Variants in CACNB2 observed in about 807,000 individuals in gnomAD.
The protein encoded by CACNB2 is voltage-dependent L-type calcium channel subunit beta-2.
A neutral mutation model predicts 73.3 loss-of-function variants in CACNB2; 42 were observed. The ratio of observed to expected loss-of-function variants is 0.57; its 90% CI spans 0.45 to 0.74. The LOEUF (loss-of-function observed/expected upper bound fraction) is 0.74, where lower values mean the gene tolerates loss of function less well. Ranked by LOEUF, CACNB2 falls within the 30% of genes least tolerant of loss-of-function variation. The probability of loss-of-function intolerance (pLI) is 0.00; values close to 1 mark genes in which losing one functional copy is unlikely to be tolerated. For missense variants in CACNB2, 940 were observed against 853.0 expected, an observed-to-expected ratio of 1.10 and a Z score of -1.27; for synonymous variants, 348 against 310.3, an observed-to-expected ratio of 1.12 and a Z score of -1.28.
At chr10:18,443,675 C>G (rs547062482) in intron 3 of CACNB2, among the ~76,000 whole-genome samples, 1 of 151,496 alleles carries the variant, frequency 6.6e-6, no homozygotes, top group Admixed American at 6.6e-5. Context: ...TGTCCTTATC[C>G]AGGTGCAGGG....
Position 18,542,390 on chromosome 10 carries a change from C to T in CACNB2, c.*2666C>T, listed in dbSNP as rs1413279451. 1 of 152,042 alleles carries T rather than the reference C, an allele frequency of 6.6e-6. No individual in the cohort carries two copies. The allele number at this position is 152,042 out of a possible 1,614,324, so 9.4% of individuals were successfully genotyped here. On this transcript the variant is annotated 3_prime_UTR_variant, in exon 14 of 14. Transcript: ENST00000324631. ...TTAAAATTGAATTTATAAAATATTT[C>T]TGATAAAACTTTTGTCATGGTAAGA...
intron 3 of CACNB2, among the ~76,000 whole-genome samples, chr10:18,411,656 C>T (rs2044636542): frequency 6.6e-6 from 1 of 152,004 alleles, no homozygotes; most frequent in Admixed American, 6.6e-5. Context: ...TTGCAGGCAC[C>T]TGCCACCATG....
At chr10:18,307,053 G>C (rs144932294) in intron 2 of CACNB2, among the ~76,000 whole-genome samples, 4 of 152,040 alleles carry the variant, frequency 2.6e-5, no homozygotes, top group South Asian at 2.1e-4. Context: ...GGTAAAGGCA[G>C]GATTTTGTAT....
intron 3 of CACNB2, among the ~76,000 whole-genome samples, chr10:18,497,176 C>T (rs1343964025): frequency 2.8e-5 from 4 of 141,386 alleles, no homozygotes; most frequent in African/African-American, 1.1e-4. Context: ...TGCACCACTG[C>T]ACTCCAGCCT....
intron 2 of CACNB2, among the ~76,000 whole-genome samples, chr10:18,153,216 GGT>G (rs141722610): frequency 0.11 from 15,982 of 152,050 alleles, 913 homozygotes; most frequent in East Asian, 0.23. Context: ...TATCCCAAAG[GGT>G]AAATATACAG....
intron 2 of CACNB2, among the ~76,000 whole-genome samples, chr10:18,164,649 CTG>C (rs958334145): frequency 6.6e-6 from 1 of 151,812 alleles, no homozygotes; most frequent in African/African-American, 2.4e-5. Context: ...ACGAGATAAA[CTG>C]TATAATAATG....
chr10:18,428,429 G>A (rs1351189559), intron 3 of CACNB2, among the ~76,000 whole-genome samples: 3 of 152,146 alleles, frequency 2.0e-5, no homozygotes, highest in Non-Finnish European at 4.4e-5. Context: ...GCTCACGCCT[G>A]TAATCCCAGC....
intron 4 of CACNB2, among the ~76,000 whole-genome samples, 196 bp from the exon 5 acceptor site, chr10:18,500,616 G>C (rs1240302774): frequency 1.3e-5 from 2 of 152,190 alleles, no homozygotes; most frequent in African/African-American, 4.8e-5. Context: ...GGAACGCAGA[G>C]CCTTTGATAG....
chr10:18,243,327 T>G (rs2036735066), intron 2 of CACNB2, among the ~76,000 whole-genome samples: 1 of 151,986 alleles, frequency 6.6e-6, no homozygotes, highest in Non-Finnish European at 1.5e-5. Context: ...TTCATAGGAG[T>G]CCTGGGTAGG....
At chr10:18,416,420 G>A (rs537659000) in intron 3 of CACNB2, among the ~76,000 whole-genome samples, 56 of 152,234 alleles carry the variant, frequency 3.7e-4, no homozygotes, top group Non-Finnish European at 7.1e-4. Flanking sequence ...AGTTTTGTTT[G>A]CTTCTTTGTT....
intron 2 of CACNB2, among the ~76,000 whole-genome samples, 162 bp from the exon 3 acceptor site, chr10:18,401,762 A>G (rs774206851): frequency 6.6e-6 from 1 of 152,216 alleles, no homozygotes; most frequent in Non-Finnish European, 1.5e-5. Context: ...TCTGCAAACC[A>G]GAGCATGGTT....
intron 3 of CACNB2, among the ~76,000 whole-genome samples, chr10:18,471,092 G>C (rs1415793441): frequency 6.6e-6 from 1 of 152,170 alleles, no homozygotes; most frequent in Non-Finnish European, 1.5e-5. Context: ...ATCACCTTAG[G>C]TTAGGAGTTC....
chr10:18,161,030 G>T (rs1054816662), intron 2 of CACNB2, among the ~76,000 whole-genome samples: 2 of 152,134 alleles, frequency 1.3e-5, no homozygotes, highest in Admixed American at 1.3e-4. Flanking sequence ...CCCCCTACCC[G>T]CCTCAGAGCT....
chr10:18,506,348 C>A (rs906016923), intron 5 of CACNB2, 123 bp from the exon 6 acceptor site: 1 of 700,416 alleles, frequency 1.4e-6, no homozygotes, highest in Non-Finnish European at 2.6e-6. Flanking sequence ...TGTTTTCCTC[C>A]TTAAATGAAA....
chr10:18,385,233 A>G (rs1382745300), intron 2 of CACNB2, among the ~76,000 whole-genome samples: 2 of 151,534 alleles, frequency 1.3e-5, no homozygotes, highest in African/African-American at 2.4e-5. Context: ...CAGTGAGCCG[A>G]GATTATGCCA....
chr10:18,175,086 CT>C (rs965247268), intron 2 of CACNB2, among the ~76,000 whole-genome samples: 11 of 152,286 alleles, frequency 7.2e-5, no homozygotes, highest in African/African-American at 2.6e-4. Context: ...GAATTGACCT[CT>C]CTATGGTCTT....
Position 18,369,185 on chromosome 10 carries a change from A to G in CACNB2, c.214-32739A>G, listed in dbSNP as rs1320323643. Reference sequence around the variant, plus strand: ...CTCTGGTAATTCTTCTAAGTCTTACAGTAAAATTTGCCAGAGGCGTACTAT... The same window carrying G: ...CTCTGGTAATTCTTCTAAGTCTTACGGTAAAATTTGCCAGAGGCGTACTAT... On this transcript the variant is annotated intron_variant, in intron 2 of 13. Coordinates refer to ENST00000324631, the MANE Select transcript of CACNB2 (RefSeq NM_201596.3). Among the ~76,000 whole-genome samples, 10 of 152,348 alleles carry G rather than the reference A, an allele frequency of 6.6e-5. 1 individual carries two copies. The South Asian group carries it at 1.9e-3, about 28-fold the overall frequency.
At chr10:18,192,007 A>G (rs1199577433) in intron 2 of CACNB2, among the ~76,000 whole-genome samples, 1 of 151,910 alleles carries the variant, frequency 6.6e-6, no homozygotes, top group Non-Finnish European at 1.5e-5. Context: ...AAAAAGGACT[A>G]AAGTGTGCCC....
At chr10:18,507,749 T>C (rs942263339) in intron 6 of CACNB2, among the ~76,000 whole-genome samples, 6 of 152,284 alleles carry the variant, frequency 3.9e-5, no homozygotes, top group African/African-American at 1.2e-4. Context: ...ATACTGTGTG[T>C]GATTTCTAGA....
Sources: gnomAD v4.1 joint callset for allele counts (sites outside exome capture counted in the v4.1 genomes callset) on GRCh38, gnomAD v4.1.1 for gene constraint, MANE v1.5 for transcripts, NCBI Gene and HGNC (gene_info 2026-07-23, HGNC 2026-07-21) for gene names.